CAMTA1: variants seen among roughly 807,000 people sequenced by gnomAD.
The protein encoded by CAMTA1 is calmodulin-binding transcription activator 1.
A neutral mutation model predicts 170.9 loss-of-function variants in CAMTA1; 27 were observed. The ratio of observed to expected loss-of-function variants is 0.16; its 90% CI spans 0.12 to 0.22. The LOEUF is 0.22. Ranked by LOEUF, CAMTA1 falls within the 10% of genes least tolerant of loss-of-function variation. The pLI is 1.00. For missense variants in CAMTA1, 1,619 were observed against 2,217.2 expected, an observed-to-expected ratio of 0.73 and a Z score of 5.42; for synonymous variants, 833 against 891.5, an observed-to-expected ratio of 0.93 and a Z score of 1.17.
intron 4 of CAMTA1, among the ~76,000 whole-genome samples, chr1:7,142,544 G>T (rs147420155): frequency 3.7e-4 from 57 of 152,352 alleles, no homozygotes; most frequent in East Asian, 1.9e-3. Context: ...GGAGATGTTT[G>T]TGTCACGGGG....
intron 3 of CAMTA1, among the ~76,000 whole-genome samples, chr1:6,902,072 C>CACACACACACACACAAA (rs3986505): frequency 2.3e-5 from 2 of 88,472 alleles, no homozygotes; most frequent in African/African-American, 3.6e-5. Context: ...CACACACACA[C>CACACACACACACACAAA]AAAAAAAAAA....
At chr1:7,689,638 G>T (rs2149390887) in intron 11 of CAMTA1, among the ~76,000 whole-genome samples, 1 of 152,294 alleles carries the variant, frequency 6.6e-6, no homozygotes, top group East Asian at 1.9e-4. Context: ...ACAAACGGAG[G>T]TTGTTCAGGA....
At chr1:7,408,900 G>T (rs1298334392) in intron 5 of CAMTA1, among the ~76,000 whole-genome samples, 1 of 152,154 alleles carries the variant, frequency 6.6e-6, no homozygotes, top group African/African-American at 2.4e-5. Context: ...CCACCCCTTG[G>T]TGCCTGTCTG....
At chr1:7,141,954 A>G (rs776411412) in intron 4 of CAMTA1, among the ~76,000 whole-genome samples, 1 of 152,184 alleles carries the variant, frequency 6.6e-6, no homozygotes, top group Non-Finnish European at 1.5e-5. Context: ...TTAGGGACAC[A>G]CAGCGAGCCA....
At chr1:7,454,602 G>A (rs984045582) in intron 5 of CAMTA1, among the ~76,000 whole-genome samples, 12 of 152,128 alleles carry the variant, frequency 7.9e-5, no homozygotes, top group South Asian at 2.1e-4. Flanking sequence ...CAGGCACCCC[G>A]ACCTCCATCC....
At chr1:7,027,348 A>C (rs1187079092) in intron 3 of CAMTA1, among the ~76,000 whole-genome samples, 1 of 152,198 alleles carries the variant, frequency 6.6e-6, no homozygotes, top group African/African-American at 2.4e-5. Context: ...AAATATCTGC[A>C]ATTAAGGTCG....
intron 5 of CAMTA1, among the ~76,000 whole-genome samples, chr1:7,337,052 A>G (rs1339656696): frequency 6.6e-6 from 1 of 152,214 alleles, no homozygotes; most frequent in East Asian, 1.9e-4. Context: ...TAACTAATAC[A>G]TGACTTGAAT....
At chr1:7,378,845 AG>A (rs1335636904) in intron 5 of CAMTA1, among the ~76,000 whole-genome samples, 2 of 152,178 alleles carry the variant, frequency 1.3e-5, no homozygotes, top group African/African-American at 2.4e-5. Flanking sequence ...TGGGCCCAGC[AG>A]GTGCATTTAA....
chr1:6,935,856 C>G (rs923511027), intron 3 of CAMTA1, among the ~76,000 whole-genome samples: 2 of 152,194 alleles, frequency 1.3e-5, no homozygotes. Context: ...GGTGGACCGT[C>G]TCCTTCACCA....
intron 6 of CAMTA1, among the ~76,000 whole-genome samples, chr1:7,546,326 C>T (rs2094692723): frequency 6.6e-6 from 1 of 152,168 alleles, no homozygotes; most frequent in Non-Finnish European, 1.5e-5. Flanking sequence ...CTGCAAAGTA[C>T]ATGTTCTCAT....
Position 7,289,045 on chromosome 1 carries a change from C to G in CAMTA1, c.438+39419C>G, listed in dbSNP as rs549387078. ...ATCATGGTGTAAGGCAAAAAGGAAT[C>G]TAGCCCTTCACATGGCCAGAGCAGG... is the stretch of plus-strand genomic sequence containing the variant. On this transcript the variant is annotated intron_variant, in intron 5 of 22. Transcript: ENST00000303635. Among the ~76,000 whole-genome samples the G allele has an allele frequency of 5.3e-5, 8 of 152,254 alleles. No individual in the cohort carries two copies. In the South Asian group the frequency reaches 1.7e-3, roughly 32 times the overall value.
At position 7,685,155 on chromosome 1, in the gene CAMTA1, C is replaced by T. The variant is rs1033543734; in HGVS notation, c.2914+7422C>T. ...GTGTGTTTTGAGGAGTTCGCAGGCA[C>T]CGTCCTGAGGTCACAGGTGGTGTGT... On this transcript the variant is annotated intron_variant, in intron 11 of 22. Transcript: ENST00000303635. This position sits in a 1 kb window ranked among gnomAD's most constrained non-coding sequence, Gnocchi z 5.7. Among the ~76,000 whole-genome samples the T allele has an allele frequency of 6.6e-6, 1 of 152,080 alleles. No individual in the cohort carries two copies. The highest frequency in any genetic ancestry group is 1.5e-5 in the Non-Finnish European group (1 of 68,010).
chr1:7,310,738 C>T (rs1206152162), intron 5 of CAMTA1, among the ~76,000 whole-genome samples: 65 of 76,974 alleles, frequency 8.4e-4, no homozygotes, highest in Non-Finnish European at 1.0e-3. Context: ...TTCTTTCTTT[C>T]TTTCTTTTTT....
rs1267340496 is a variant in CAMTA1, at chr1:7,534,884, A to G, written c.510+66983A>G. ...GAAGTGGGTTTGCCTTTTGCCTGGT[A>G]CAGATGACTCTGTCTCGATTTTGAA... On this transcript the variant is annotated intron_variant, in intron 6 of 22. Transcript: ENST00000303635. This position sits in a 1 kb window ranked among gnomAD's most constrained non-coding sequence, Gnocchi z 5.6. Among the ~76,000 whole-genome samples, 2 of 152,066 alleles carry G rather than the reference A, an allele frequency of 1.3e-5. 1 individual carries two copies. The highest frequency in any genetic ancestry group is 3.9e-4 in the East Asian group (2 of 5,194).
intron 3 of CAMTA1, among the ~76,000 whole-genome samples, chr1:6,973,596 AAT>A (rs1330029904): frequency 6.6e-6 from 1 of 152,190 alleles, no homozygotes; most frequent in Admixed American, 6.5e-5. Context: ...CGGGAGTGCT[AAT>A]ATCTCTTTGA....
intron 6 of CAMTA1, among the ~76,000 whole-genome samples, chr1:7,555,811 T>G (rs2094868612): frequency 6.6e-6 from 1 of 152,330 alleles, no homozygotes; most frequent in Middle Eastern, 3.4e-3. Flanking sequence ...CCACTAGGTC[T>G]GTCCACCTGT....
chr1:7,002,058 G>A (rs1168957353), intron 3 of CAMTA1, among the ~76,000 whole-genome samples: 1 of 151,888 alleles, frequency 6.6e-6, no homozygotes, highest in East Asian at 1.9e-4. Context: ...CACCACGCCT[G>A]GATAAATTTT....
At position 6,787,766 on chromosome 1, in the gene CAMTA1, A is replaced by G. The variant is rs76703595; in HGVS notation, c.45+2191A>G. Among the ~76,000 whole-genome samples, 101 of 152,352 alleles carry G rather than the reference A, an allele frequency of 6.6e-4. 2 individuals carry two copies. In the East Asian group the frequency reaches 0.019, roughly 29 times the overall value. On this transcript the variant is annotated intron_variant, in intron 1 of 22. Coordinates refer to ENST00000303635, the MANE Select transcript of CAMTA1 (RefSeq NM_015215.4). ...CCAAGTCCCTGAATGTGCGAAGCGTACAGTGCCTGCCCATACGCATCGCAA... is the reference window on the plus strand; with the variant it reads ...CCAAGTCCCTGAATGTGCGAAGCGTGCAGTGCCTGCCCATACGCATCGCAA...
intron 4 of CAMTA1, among the ~76,000 whole-genome samples, chr1:7,147,577 G>A (rs570038296): frequency 3.6e-4 from 52 of 146,188 alleles, no homozygotes; most frequent in Admixed American, 1.2e-3. Flanking sequence ...TCACACACAC[G>A]CACTGAAATA....
Sources: allele counts gnomAD v4.1 joint callset (sites outside exome capture counted in the v4.1 genomes callset), GRCh38; gene constraint gnomAD v4.1.1; non-coding constraint Gnocchi (gnomAD v3.1); transcripts MANE v1.5; gene names NCBI Gene and HGNC (gene_info 2026-07-23, HGNC 2026-07-21).